HAO1: variants seen among roughly 807,000 people sequenced by gnomAD.
HAO1 encodes the protein hydroxyacid oxidase 1, also known as 2-Hydroxyacid oxidase 1.
In HAO1, 34 loss-of-function variants were observed where a neutral mutation model predicts 39.7. The observed-to-expected ratio is 0.86, with a 90% CI of 0.65 to 1.14. The LOEUF is 1.14. Ranked by LOEUF, HAO1 falls within the 50% of genes most tolerant of loss-of-function variation. The pLI, the probability that HAO1 is intolerant of heterozygous loss-of-function variation, is 0.00. For synonymous variants in HAO1, 172 were observed against 173.2 expected, an observed-to-expected ratio of 0.99 and a Z score of 0.05; for missense variants, 479 against 464.5, an observed-to-expected ratio of 1.03 and a Z score of -0.29.
chr20:7,923,257 A>G (rs1234640375), intron 2 of HAO1, among the ~76,000 whole-genome samples: 3 of 152,198 alleles, frequency 2.0e-5, no homozygotes, highest in Non-Finnish European at 4.4e-5. Flanking sequence ...TTTGGAAAAC[A>G]GCAAAAACTG....
chr20:7,911,584 C>T (rs1313660323), intron 3 of HAO1, among the ~76,000 whole-genome samples: 3 of 152,174 alleles, frequency 2.0e-5, no homozygotes, highest in Admixed American at 6.5e-5. Flanking sequence ...TTTCAGGAAC[C>T]CCCTTGCCAT....
At chr20:7,890,117 G>C (rs2050167492) in intron 5 of HAO1, among the ~76,000 whole-genome samples, 1 of 152,132 alleles carries the variant, frequency 6.6e-6, no homozygotes. Context: ...ATCATCATGA[G>C]CCTTAAATTT....
rs1388940010 is a variant in HAO1, at chr20:7,889,092, T to C, written c.814-3228A>G. 2.0e-5 allele frequency among the ~76,000 whole-genome samples: 3 copies of C among 152,136 alleles called. No homozygotes were observed. In the East Asian group the frequency reaches 5.8e-4, roughly 29 times the overall value. On this transcript the variant is annotated intron_variant, in intron 5 of 7. Coordinates refer to ENST00000378789, the MANE Select transcript of HAO1 (RefSeq NM_017545.3). The stretch of plus-strand genomic sequence containing the variant: ...AAATTGTAAAATGTAATAATGACGA[T>C]TGTGGTTTAGCCAGTAAGTTTCAGA...
At chr20:7,897,470 T>C (rs2050202950) in intron 4 of HAO1, among the ~76,000 whole-genome samples, 1 of 152,130 alleles carries the variant, frequency 6.6e-6, no homozygotes, top group Non-Finnish European at 1.5e-5. Context: ...CTATTTATCT[T>C]ATTGTTCTCA....
intron 5 of HAO1, among the ~76,000 whole-genome samples, chr20:7,889,143 T>A (rs1237487086): frequency 6.6e-6 from 1 of 152,074 alleles, no homozygotes; most frequent in African/African-American, 2.4e-5. Context: ...GCAAAAGCCA[T>A]CTGATACATT....
rs183936512 is a variant in HAO1 at position 7,923,213 on chromosome 20, C to T, written c.290-8794G>A. 3.3e-3 allele frequency among the ~76,000 whole-genome samples: 497 copies of T among 152,208 alleles called. 3 individuals are homozygous for T. Among genetic ancestry groups the T allele is most frequent in the African/African-American group, 0.012 (482 of 41,540 alleles). Reference sequence around the variant, plus strand: ...GACGCTAATCCGGAACTCCAAAGTACAGTGATTTAAATGAGCTAGGACAGG... The same window carrying T: ...GACGCTAATCCGGAACTCCAAAGTATAGTGATTTAAATGAGCTAGGACAGG... On this transcript the variant is annotated intron_variant, in intron 2 of 7. Transcript: ENST00000378789.
intron 4 of HAO1, among the ~76,000 whole-genome samples, chr20:7,904,454 A>C (rs2050238220): frequency 6.6e-6 from 1 of 152,234 alleles, no homozygotes; most frequent in African/African-American, 2.4e-5. Flanking sequence ...TATGTGTTTT[A>C]TAAATTGTTA....
chr20:7,895,099 C>T (rs1402813527), intron 5 of HAO1, 34 bp downstream of exon 5: 1 of 1,350,810 alleles, frequency 7.4e-7, no homozygotes. Flanking sequence ...AATGGGAACT[C>T]CAAAAGGAAA....
chr20:7,883,388 C>A lies in HAO1; in HGVS notation c.*205G>T. Reference sequence around the variant, plus strand: ...TTAATATATTTCCAGGATGAAAGTCCATTTCTTTCTAAAAGGTTCCTAGGA... The same window carrying A: ...TTAATATATTTCCAGGATGAAAGTCAATTTCTTTCTAAAAGGTTCCTAGGA... On this transcript the variant is annotated 3_prime_UTR_variant, in exon 8 of 8. Coordinates refer to ENST00000378789, the MANE Select transcript of HAO1 (RefSeq NM_017545.3). 2 of 548,130 alleles carry A rather than the reference C, an allele frequency of 3.6e-6. No homozygotes were observed. The highest frequency in any genetic ancestry group is 6.5e-6 in the Non-Finnish European group (2 of 305,694). 34.0% of individuals were successfully genotyped at this position (548,130 alleles called of 1,614,324 possible). A position where few individuals can be genotyped will look rare whatever the true frequency, so the allele number is the denominator to read the frequency against.
intron 7 of HAO1, 145 bp from the exon 8 acceptor site, chr20:7,883,808 AT>A: frequency 1.5e-6 from 1 of 688,166 alleles, no homozygotes; most frequent in Non-Finnish European, 2.6e-6. Flanking sequence ...GCATGAGACC[AT>A]TTTTTATTAC....
intron 2 of HAO1, among the ~76,000 whole-genome samples, chr20:7,930,087 G>A (rs1378539260): frequency 6.6e-6 from 1 of 152,044 alleles, no homozygotes; most frequent in Non-Finnish European, 1.5e-5. Flanking sequence ...GGCACCAATG[G>A]GTTTCACTTA....
chr20:7,927,532 A>G (rs2050365144), intron 2 of HAO1, among the ~76,000 whole-genome samples: 1 of 152,136 alleles, frequency 6.6e-6, no homozygotes, highest in Non-Finnish European at 1.5e-5. Context: ...TTCGTAACAC[A>G]GTGCATGAAA....
At chr20:7,922,653 G>T (rs549780083) in intron 2 of HAO1, among the ~76,000 whole-genome samples, 1 of 152,080 alleles carries the variant, frequency 6.6e-6, no homozygotes, top group South Asian at 2.1e-4. Context: ...ACAAGAACAT[G>T]CTTTTCCCTA....
chr20:7,925,457 C>A (rs2050354814), intron 2 of HAO1, among the ~76,000 whole-genome samples: 1 of 152,142 alleles, frequency 6.6e-6, no homozygotes, highest in Non-Finnish European at 1.5e-5. Context: ...GCTCTCCCTT[C>A]CTTGTTTTCA....
At chr20:7,928,953 A>G (rs889236042) in intron 2 of HAO1, among the ~76,000 whole-genome samples, 6 of 152,158 alleles carry the variant, frequency 3.9e-5, no homozygotes, top group African/African-American at 1.2e-4. Flanking sequence ...GCAACCCCAC[A>G]TCCCTGCTCC....
chr20:7,921,687 A>G (rs2050333764), intron 2 of HAO1, among the ~76,000 whole-genome samples: 1 of 152,168 alleles, frequency 6.6e-6, no homozygotes, highest in Non-Finnish European at 1.5e-5. Flanking sequence ...CACAATAGCA[A>G]AGACATGGAA....
intron 4 of HAO1, among the ~76,000 whole-genome samples, chr20:7,904,051 G>C (rs562414946): frequency 1.3e-5 from 2 of 152,240 alleles, no homozygotes; most frequent in Admixed American, 6.5e-5. Context: ...GGAAATCCTA[G>C]ATTGAAAAGG....
intron 4 of HAO1, among the ~76,000 whole-genome samples, chr20:7,903,867 T>C (rs1222534402): frequency 2.5e-5 from 3 of 122,356 alleles, no homozygotes; most frequent in African/African-American, 6.2e-5. Flanking sequence ...GCGGTGGTGG[T>C]GGTGGTGGTG....
At chr20:7,934,356 T>A in intron 2 of HAO1, 128 bp downstream of exon 2, 1 of 605,064 alleles carries the variant, frequency 1.7e-6, no homozygotes, top group Non-Finnish European at 2.8e-6. Flanking sequence ...ATTTTGATGA[T>A]AGAGTCCATG....
Sources: allele counts gnomAD v4.1 joint callset (sites outside exome capture counted in the v4.1 genomes callset), GRCh38; gene constraint gnomAD v4.1.1; transcripts MANE v1.5; gene names NCBI Gene and HGNC (gene_info 2026-07-23, HGNC 2026-07-21).